MRPL53: variants seen among roughly 807,000 people sequenced by gnomAD.
The protein encoded by MRPL53 is large ribosomal subunit protein mL53.
In MRPL53, 7 loss-of-function variants were observed where a neutral mutation model predicts 7.5. The observed-to-expected ratio is 0.93, with a 90% CI of 0.53 to 1.75. The LOEUF (loss-of-function observed/expected upper bound fraction) is 1.75. Ranked by LOEUF, MRPL53 falls within the 40% of genes most tolerant of loss-of-function variation. The pLI is 0.00. For synonymous variants in MRPL53, 84 were observed against 64.4 expected, an observed-to-expected ratio of 1.30 and a Z score of -1.46; for missense variants, 185 against 159.0, an observed-to-expected ratio of 1.16 and a Z score of -0.88.
intron 1 of MRPL53, 44 bp downstream of exon 1, chr2:74,472,525 G>A: frequency 1.9e-6 from 3 of 1,613,838 alleles, no homozygotes; most frequent in Non-Finnish European, 8.5e-7. Flanking sequence ...CCCGGCTGAA[G>A]GAAGGCGCAC....
In MRPL53 at chr2:74,472,117, T is replaced by C. The variant is rs755933197; in HGVS notation, c.*2A>G. On this transcript the variant is annotated 3_prime_UTR_variant, in exon 3 of 3. Transcript: ENST00000258105. ...ATCATCTTGTTGGTCTCTTTGGCGC[T>C]GTCAGCGACCAGTATCAGCGCCCGG... 4 of 1,613,896 alleles carry C rather than the reference T, an allele frequency of 2.5e-6. No homozygotes were observed. In the South Asian group the frequency reaches 4.4e-5, roughly 18 times the overall value.
Position 74,472,269 on chromosome 2 carries a change from C to T in MRPL53, c.206-17G>A. The T allele has an allele frequency of 1.2e-6, 2 of 1,613,958 alleles. No homozygotes were observed. Among genetic ancestry groups the T allele is most frequent in the Non-Finnish European group, 1.7e-6 (2 of 1,179,920 alleles). On this transcript the variant is annotated splice_polypyrimidine_tract_variant and intron_variant, in intron 2 of 2. Transcript: ENST00000258105. ...GCCCGTCTCCTGGGGAAGAAACAAACGAGTGAGACAGGGAGGGACCGCAGT... is the reference window on the plus strand; with the variant it reads ...GCCCGTCTCCTGGGGAAGAAACAAATGAGTGAGACAGGGAGGGACCGCAGT...
chr2:74,472,078 T>C lies in MRPL53; in HGVS notation c.*41A>G. 6.2e-7 allele frequency: 1 copy of C among 1,610,670 alleles called. No homozygotes were observed. The highest frequency in any genetic ancestry group is 8.5e-7 in the Non-Finnish European group (1 of 1,178,284). On this transcript the variant is annotated 3_prime_UTR_variant, in exon 3 of 3. Coordinates refer to ENST00000258105, the MANE Select transcript of MRPL53 (RefSeq NM_053050.5). ...GAAACTCTTCTTAGGTTAAGTGTCC[T>C]AGTCCACGCTAAAATCATCTTGTTG...
At chr2:74,472,538 C>T (rs772334961) in intron 1 of MRPL53, 31 bp downstream of exon 1, 2 of 1,614,018 alleles carry the variant, frequency 1.2e-6, no homozygotes, top group East Asian at 4.5e-5. Context: ...AGGCGCACCA[C>T]TTCCCGCTTC....
chr2:74,472,275 A>C, intron 2 of MRPL53, 23 bp from the exon 3 acceptor site: 1 of 1,613,748 alleles, frequency 6.2e-7, no homozygotes, highest in African/African-American at 1.3e-5. Flanking sequence ...CAAACGAGTG[A>C]GACAGGGAGG....
Position 74,472,104 on chromosome 2 carries a change from G to T in MRPL53, c.*15C>A, listed in dbSNP as rs1163084932. 6.2e-7 allele frequency: 1 copy of T among 1,613,062 alleles called. No homozygotes were observed. The highest frequency in any genetic ancestry group is 8.5e-7 in the Non-Finnish European group (1 of 1,179,632). On this transcript the variant is annotated 3_prime_UTR_variant, in exon 3 of 3. Coordinates refer to ENST00000258105, the MANE Select transcript of MRPL53 (RefSeq NM_053050.5). ...AGTCCACGCTAAAATCATCTTGTTG[G>T]TCTCTTTGGCGCTGTCAGCGACCAG...
Position 74,472,592 on chromosome 2 carries a change from G to A in MRPL53, c.69C>T (p.Phe23=), listed in dbSNP as rs768653789. The A allele has an allele frequency of 6.2e-7, 1 of 1,614,208 alleles. No homozygotes were observed. Among genetic ancestry groups the A allele is most frequent in the East Asian group, 2.2e-5 (1 of 44,888 alleles). ...ACCTCGTCGATTCCACGTTTTTCTC[G>A]AAGGGACAGAACTGAACCCGAACCT... is the stretch of plus-strand genomic sequence containing the variant. The part of the protein sequence containing the change: ...VKQVRVQFCP[F]EKNVESTRTF... The change falls in exon 1 of 3, where the codon TTC becomes TTT. Residue 23 remains phenylalanine, a synonymous_variant. Coordinates refer to ENST00000258105, the MANE Select transcript of MRPL53 (RefSeq NM_053050.5).
chr2:74,472,065 A>C lies in MRPL53; in HGVS notation c.*54T>G. ...TGAATGATTAAGTGAAACTCTTCTT[A>C]GGTTAAGTGTCCTAGTCCACGCTAA... On this transcript the variant is annotated 3_prime_UTR_variant, in exon 3 of 3. Transcript: ENST00000258105. 6.3e-7 allele frequency: 1 copy of C among 1,598,360 alleles called. No individual in the cohort carries two copies. Among genetic ancestry groups the C allele is most frequent in the East Asian group, 2.2e-5 (1 of 44,560 alleles).
At position 74,472,229 on chromosome 2, in the gene MRPL53, G is replaced by A. The variant is rs868535628; in HGVS notation, c.229C>T (p.Arg77Cys). Residue 77 changes from arginine (R) to cysteine (C), a missense_variant, in exon 3 of 3, where the codon CGC becomes TGC. Transcript: ENST00000258105. Reference sequence around the variant, plus strand: ...TCCAGAGCGGTGAGATGAGCGCCGCGCATAATCAGGCGATGCCCGTCTCCT... The same window carrying A: ...TCCAGAGCGGTGAGATGAGCGCCGCACATAATCAGGCGATGCCCGTCTCCT... ...LFGDGHRLIM[R>C]GAHLTALEML... The A allele has an allele frequency of 3.1e-6, 5 of 1,614,032 alleles. No individual in the cohort carries two copies. The highest frequency in any genetic ancestry group is 3.4e-6 in the Non-Finnish European group (4 of 1,180,026).
rs1672188291 is a variant in MRPL53 at position 74,472,039 on chromosome 2, T to C, written c.*80A>G. 1.3e-6 allele frequency: 2 copies of C among 1,566,560 alleles called. No individual in the cohort carries two copies. Among genetic ancestry groups the C allele is most frequent in the Non-Finnish European group, 1.7e-6 (2 of 1,148,974 alleles). On this transcript the variant is annotated 3_prime_UTR_variant, in exon 3 of 3. Coordinates refer to ENST00000258105, the MANE Select transcript of MRPL53 (RefSeq NM_053050.5). ...GCTCCGTGACCCTTCAGATAGTGATTTGAATGATTAAGTGAAACTCTTCTT... is the reference window on the plus strand; with the variant it reads ...GCTCCGTGACCCTTCAGATAGTGATCTGAATGATTAAGTGAAACTCTTCTT...
Position 74,472,200 on chromosome 2 carries a change from C to T in MRPL53, c.258G>A (p.Met86Ile). The T allele has an allele frequency of 6.2e-7, 1 of 1,614,166 alleles. No homozygotes were observed. The highest frequency in any genetic ancestry group is 8.5e-7 in the Non-Finnish European group (1 of 1,180,038). The change falls in exon 3 of 3, where the codon ATG becomes ATA. Residue 86 changes from methionine (M) to isoleucine (I), a missense_variant. Met to Ile is a conservative substitution (Grantham distance 10). Coordinates refer to ENST00000258105, the MANE Select transcript of MRPL53 (RefSeq NM_053050.5). Reference protein sequence around the residue: ...MRGAHLTALEMLTAFASHIRA... With the variant: ...MRGAHLTALEILTAFASHIRA... ...GGATGTGGGAGGCGAAGGCGGTGAGCATTTCCAGAGCGGTGAGATGAGCGC... is the reference window on the plus strand; with the variant it reads ...GGATGTGGGAGGCGAAGGCGGTGAGTATTTCCAGAGCGGTGAGATGAGCGC...
chr2:74,472,340 C>T lies in MRPL53; in HGVS notation c.205+18G>A. ...GGGCTGCTCGCTGTTCCCTCCTGCC[C>T]GTCTCCACCAAGCCCACCGAACAGC... On this transcript the variant is annotated intron_variant, in intron 2 of 2. Coordinates refer to ENST00000258105, the MANE Select transcript of MRPL53 (RefSeq NM_053050.5). 1 of 1,612,946 alleles carries T rather than the reference C, an allele frequency of 6.2e-7. No homozygotes were observed. Among genetic ancestry groups the T allele is most frequent in the South Asian group, 1.1e-5 (1 of 90,948 alleles).
Position 74,472,393 on chromosome 2 carries a change from T to G in MRPL53, c.170A>C (p.His57Pro). 1 of 1,614,040 alleles carries G rather than the reference T, an allele frequency of 6.2e-7. No homozygotes were observed. The highest frequency in any genetic ancestry group is 8.5e-7 in the Non-Finnish European group (1 of 1,179,932). The change falls in exon 2 of 3, where the codon CAT becomes CCT. Residue 57 changes from histidine (H) to proline (P), a missense_variant. Physicochemically the swap from His to Pro is moderately conservative, Grantham distance 77. Coordinates refer to ENST00000258105, the MANE Select transcript of MRPL53 (RefSeq NM_053050.5). Reference protein sequence around the residue: ...LNCSVIADVRHDGSEPCVDVL... With the variant: ...LNCSVIADVRPDGSEPCVDVL... Reference sequence around the variant, plus strand: ...GTCCACGCAGGGCTCGGAGCCGTCATGCCTCACGTCCGCAATCACTGAGCA... The same window carrying G: ...GTCCACGCAGGGCTCGGAGCCGTCAGGCCTCACGTCCGCAATCACTGAGCA...
At position 74,472,465 on chromosome 2, in the gene MRPL53, A is replaced by G. The variant is rs1186851817; in HGVS notation, c.98T>C (p.Phe33Ser). Residue 33 changes from phenylalanine to serine, a missense_variant, in exon 2 of 3, where the codon TTC (phenylalanine) becomes TCC (serine). Coordinates refer to ENST00000258105, the MANE Select transcript of MRPL53 (RefSeq NM_053050.5). ...FEKNVESTRTFLQTVSSEKVR... is the reference protein window; with the variant it reads ...FEKNVESTRTSLQTVSSEKVR... ...CTTCTCACTGCTCACCGTCTGCAGGAAGGTCCTACGGTGGAAAAACAGAGG... is the reference window on the plus strand; with the variant it reads ...CTTCTCACTGCTCACCGTCTGCAGGGAGGTCCTACGGTGGAAAAACAGAGG... The G allele has an allele frequency of 4.3e-6, 7 of 1,614,036 alleles. No individual in the cohort carries two copies. In the South Asian group the frequency reaches 7.7e-5, roughly 18 times the overall value.
rs1444485296 is a variant in MRPL53, at chr2:74,472,100, G to C, written c.*19C>G. 10 of 1,613,114 alleles carry C rather than the reference G, an allele frequency of 6.2e-6. No homozygotes were observed. Among genetic ancestry groups the C allele is most frequent in the Admixed American group, 1.7e-5 (1 of 59,994 alleles). On this transcript the variant is annotated 3_prime_UTR_variant, in exon 3 of 3. Coordinates refer to ENST00000258105, the MANE Select transcript of MRPL53 (RefSeq NM_053050.5). ...TCCTAGTCCACGCTAAAATCATCTT[G>C]TTGGTCTCTTTGGCGCTGTCAGCGA...
rs1243923345 is a variant in MRPL53 at position 74,472,272 on chromosome 2, G to A, written c.206-20C>T. 3.1e-6 allele frequency: 5 copies of A among 1,613,954 alleles called. No homozygotes were observed. The highest frequency in any genetic ancestry group is 3.4e-6 in the Non-Finnish European group (4 of 1,179,918). The stretch of plus-strand genomic sequence containing the variant: ...CGTCTCCTGGGGAAGAAACAAACGA[G>A]TGAGACAGGGAGGGACCGCAGTGCT... On this transcript the variant is annotated intron_variant, in intron 2 of 2. Transcript: ENST00000258105.
rs1324658893 is a variant in MRPL53, at chr2:74,472,364, G to A, written c.199C>T (p.Leu67=). ...HDGSEPCVDV[L]FGDGHRLIMR... is the part of the protein sequence containing the mutation. ...CCGTCTCCACCAAGCCCACCGAACA[G>A]CACGTCCACGCAGGGCTCGGAGCCG... The change falls in exon 2 of 3, where the codon CTG becomes TTG. Residue 67 remains leucine, a synonymous_variant. Transcript: ENST00000258105. 1 of 1,613,888 alleles carries A rather than the reference G, an allele frequency of 6.2e-7. No homozygotes were observed. The highest frequency in any genetic ancestry group is 1.1e-5 in the South Asian group (1 of 91,070).
chr2:74,472,313 G>C, intron 2 of MRPL53, 45 bp downstream of exon 2: 1 of 1,611,708 alleles, frequency 6.2e-7, no homozygotes, highest in Non-Finnish European at 8.5e-7. Flanking sequence ...TTAGGGGCGC[G>C]CGGGCTGCTC....
At position 74,472,080 on chromosome 2, in the gene MRPL53, G is replaced by C. The variant is rs759655674; in HGVS notation, c.*39C>G. The C allele has an allele frequency of 1.9e-6, 3 of 1,610,798 alleles. No homozygotes were observed. The Admixed American group carries it at 5.0e-5, about 27-fold the overall frequency. Reference sequence around the variant, plus strand: ...AACTCTTCTTAGGTTAAGTGTCCTAGTCCACGCTAAAATCATCTTGTTGGT... The same window carrying C: ...AACTCTTCTTAGGTTAAGTGTCCTACTCCACGCTAAAATCATCTTGTTGGT... On this transcript the variant is annotated 3_prime_UTR_variant, in exon 3 of 3. Transcript: ENST00000258105.
Sources: allele counts gnomAD v4.1 joint callset, GRCh38; gene constraint gnomAD v4.1.1; transcripts MANE v1.5; gene names NCBI Gene and HGNC (gene_info 2026-07-23, HGNC 2026-07-21).